UBE4B: variants seen among roughly 807,000 people sequenced by gnomAD.
The protein encoded by UBE4B is ubiquitin conjugation factor E4 B.
In UBE4B, 27 loss-of-function variants were observed where a neutral mutation model predicts 148.1. That is an observed-to-expected ratio of 0.18 (90% confidence interval 0.13 to 0.25). The LOEUF (loss-of-function observed/expected upper bound fraction) is 0.25, where lower values mean the gene tolerates loss of function less well. UBE4B is among the 10% of genes least tolerant of loss of function. The probability of loss-of-function intolerance (pLI) is 1.00; values close to 1 mark genes in which losing one functional copy is unlikely to be tolerated. For missense variants in UBE4B, 1,170 were observed against 1,662.4 expected, an observed-to-expected ratio of 0.70 and a Z score of 5.15; for synonymous variants, 596 against 619.3, an observed-to-expected ratio of 0.96 and a Z score of 0.56.
intron 1 of UBE4B, among the ~76,000 whole-genome samples, chr1:10,068,243 G>A (rs904711797): frequency 8.6e-5 from 13 of 152,038 alleles, no homozygotes; most frequent in East Asian, 5.8e-4. Context: ...TGGCCAGGCC[G>A]GTCTCAAACT....
chr1:10,173,545 G>T (rs1299925339), intron 25 of UBE4B, among the ~76,000 whole-genome samples: 5 of 151,348 alleles, frequency 3.3e-5, no homozygotes, highest in African/African-American at 1.2e-4. Flanking sequence ...ACTAGCCCCC[G>T]ACTATATAAT....
intron 2 of UBE4B, among the ~76,000 whole-genome samples, chr1:10,081,620 C>T (rs1482022771): frequency 6.6e-6 from 1 of 151,472 alleles, no homozygotes; most frequent in Non-Finnish European, 1.5e-5. Context: ...TGGAGTTTCG[C>T]TCTTGTCACC....
intron 1 of UBE4B, among the ~76,000 whole-genome samples, chr1:10,068,778 G>T (rs1016656825): frequency 1.3e-5 from 2 of 152,208 alleles, no homozygotes; most frequent in African/African-American, 4.8e-5. Context: ...CAGGGCCTCA[G>T]GTTGCTAAAC....
At position 10,066,244 on chromosome 1, in the gene UBE4B, G is replaced by A. The variant is rs556337098; in HGVS notation, c.25-5784G>A. ...TTGACCTCCTGCCTCAGTCTCCCTA[G>A]TAGCTGGCACTACACATCGTGTGTG... On this transcript the variant is annotated intron_variant, in intron 1 of 27. Transcript: ENST00000343090. 8.4e-4 allele frequency among the ~76,000 whole-genome samples: 127 copies of A among 151,722 alleles called. 1 individual carries two copies. The highest frequency in any genetic ancestry group is 2.8e-3 in the African/African-American group (115 of 41,326).
At chr1:10,143,114 A>G (rs1278132462) in intron 17 of UBE4B, among the ~76,000 whole-genome samples, 1 of 152,126 alleles carries the variant, frequency 6.6e-6, no homozygotes, top group African/African-American at 2.4e-5. Context: ...TCAAAAAAGC[A>G]AAAAACAAGG....
chr1:10,128,852 G>A (rs1386455411), intron 11 of UBE4B: 2 of 152,554 alleles, frequency 1.3e-5, no homozygotes, highest in African/African-American at 2.4e-5. Flanking sequence ...GTTCTCTAAT[G>A]TTAGGATGGT....
Position 10,126,823 on chromosome 1 carries a change from T to C in UBE4B, c.1584T>C (p.Ala528=). The change falls in exon 11 of 28, where the codon GCT becomes GCC. Residue 528 remains alanine (A), a synonymous_variant. Coordinates refer to ENST00000343090, the MANE Select transcript of UBE4B (RefSeq NM_001105562.3). The stretch of plus-strand genomic sequence containing the variant: ...TTATCCCCATTTTACAAGGCCTGGC[T>C]CTTGCTGCCAAAGAGTGCTCCCTCG... ...QIFIPILQGL[A]LAAKECSLDS... The C allele has an allele frequency of 6.2e-7, 1 of 1,614,146 alleles. No homozygotes were observed. Among genetic ancestry groups the C allele is most frequent in the Non-Finnish European group, 8.5e-7 (1 of 1,180,004 alleles).
Position 10,050,237 on chromosome 1 carries a change from A to G in UBE4B, c.24+16543A>G, listed in dbSNP as rs961002938. Among the ~76,000 whole-genome samples, 2 of 152,138 alleles carry G rather than the reference A, an allele frequency of 1.3e-5. 1 individual carries two copies. The highest frequency in any genetic ancestry group is 4.8e-5 in the African/African-American group (2 of 41,430). ...CAGGCATGCACCACCACACTTGGCTAATTTTCGTATGTTTAGTAGAGACCA... is the reference window on the plus strand; with the variant it reads ...CAGGCATGCACCACCACACTTGGCTGATTTTCGTATGTTTAGTAGAGACCA... On this transcript the variant is annotated intron_variant, in intron 1 of 27. Coordinates refer to ENST00000343090, the MANE Select transcript of UBE4B (RefSeq NM_001105562.3).
At chr1:10,092,857 A>G (rs1644872387) in intron 2 of UBE4B, among the ~76,000 whole-genome samples, 1 of 152,024 alleles carries the variant, frequency 6.6e-6, no homozygotes, top group Non-Finnish European at 1.5e-5. Context: ...AGAAAAGAAA[A>G]GAAGGAATGG....
chr1:10,082,186 A>G (rs1018148776), intron 2 of UBE4B, among the ~76,000 whole-genome samples: 8 of 152,042 alleles, frequency 5.3e-5, no homozygotes, highest in Non-Finnish European at 1.0e-4. Context: ...TGTGGCTTAT[A>G]TTTTAGTGAG....
At chr1:10,091,199 T>C (rs1644841937) in intron 2 of UBE4B, among the ~76,000 whole-genome samples, 1 of 152,194 alleles carries the variant, frequency 6.6e-6, no homozygotes, top group Non-Finnish European at 1.5e-5. Context: ...GTTCATTTTT[T>C]AATTCTTTAA....
At chr1:10,131,198 CG>C (rs1295891416) in intron 14 of UBE4B, among the ~76,000 whole-genome samples, 2 of 152,170 alleles carry the variant, frequency 1.3e-5, no homozygotes, top group African/African-American at 4.8e-5. Flanking sequence ...AGAGAAGGGC[CG>C]GGTGTGATGG....
chr1:10,117,620 C>CT lies in UBE4B; in HGVS notation c.1338+22dup. The CT allele has an allele frequency of 1.3e-6, 2 of 1,546,116 alleles. No homozygotes were observed. The highest frequency in any genetic ancestry group is 1.7e-6 in the Non-Finnish European group (2 of 1,153,128). On this transcript the variant is annotated intron_variant, in intron 8 of 27. Coordinates refer to ENST00000343090, the MANE Select transcript of UBE4B (RefSeq NM_001105562.3). Reference sequence around the variant, plus strand: ...CCAAAGGTAATATGAAATGGATTAACTTAAAAAAAAAAAAGCCTAGTTATT... The same window carrying CT: ...CCAAAGGTAATATGAAATGGATTAACTTTAAAAAAAAAAAAGCCTAGTTATT...
At position 10,161,578 on chromosome 1, in the gene UBE4B, A is replaced by C. The variant is rs1309022414; in HGVS notation, c.3198+292A>C. 2.0e-5 allele frequency among the ~76,000 whole-genome samples: 3 copies of C among 152,194 alleles called. No individual in the cohort carries two copies. Among genetic ancestry groups the C allele is most frequent in the Non-Finnish European group, 2.9e-5 (2 of 68,032 alleles). ...TGAGCTTTTATTGTCTGAATATATT[A>C]ATATTCATGAACATAATTAGGAAAG... On this transcript the variant is annotated intron_variant, in intron 23 of 27. Transcript: ENST00000343090. The surrounding 1 kb of genome is among the most constrained non-coding windows in gnomAD (Gnocchi z 4.1).
intron 3 of UBE4B, among the ~76,000 whole-genome samples, chr1:10,099,352 T>C (rs1190746461): frequency 1.8e-4 from 27 of 152,118 alleles, no homozygotes; most frequent in African/African-American, 2.4e-5. Context: ...CAACAAAAAG[T>C]TAGAAAACGT....
chr1:10,112,970 G>A (rs964668856), intron 7 of UBE4B, among the ~76,000 whole-genome samples: 1 of 152,116 alleles, frequency 6.6e-6, no homozygotes, highest in Non-Finnish European at 1.5e-5. Context: ...CCCATCTGCC[G>A]CCTTGCAAGT....
rs1032934235 is a variant in UBE4B at position 10,161,418 on chromosome 1, A to C, written c.3198+132A>C. On this transcript the variant is annotated intron_variant, in intron 23 of 27. Coordinates refer to ENST00000343090, the MANE Select transcript of UBE4B (RefSeq NM_001105562.3). The surrounding 1 kb of genome is among the most constrained non-coding windows in gnomAD (Gnocchi z 4.1). The stretch of plus-strand genomic sequence containing the variant: ...GACATGCTGGGATTTTCCTTCCATG[A>C]AATCATATTGCAGGATTGGAATAGG... 9.2e-7 allele frequency: 1 copy of C among 1,085,936 alleles called. No homozygotes were observed. Among genetic ancestry groups the C allele is most frequent in the East Asian group, 2.8e-5 (1 of 36,360 alleles). The allele number at this position is 1,085,936 out of a possible 1,614,324, so 67.3% of individuals were successfully genotyped here. A position where few individuals can be genotyped will look rare whatever the true frequency, so the allele number is the denominator to read the frequency against.
chr1:10,036,849 T>C (rs964756145), intron 1 of UBE4B, among the ~76,000 whole-genome samples: 10 of 152,122 alleles, frequency 6.6e-5, no homozygotes, highest in Non-Finnish European at 2.9e-5. Flanking sequence ...GGCAAGGCGG[T>C]GATCTTTTAA....
chr1:10,076,118 G>A lies in UBE4B; in HGVS notation c.211+3904G>A, dbSNP rs367577871. ...GAGTTTAAAAAGCTGGCATGAGGAA[G>A]GTGATGGCTTGTGTTTATTTTCTGT... On this transcript the variant is annotated intron_variant, in intron 2 of 27. Coordinates refer to ENST00000343090, the MANE Select transcript of UBE4B (RefSeq NM_001105562.3). 3.6e-4 allele frequency among the ~76,000 whole-genome samples: 55 copies of A among 152,220 alleles called. 2 individuals are homozygous for A. Among genetic ancestry groups the A allele is most frequent in the East Asian group, 2.9e-3 (15 of 5,186 alleles).
Sources: gnomAD v4.1 joint callset for allele counts (sites outside exome capture counted in the v4.1 genomes callset) on GRCh38, gnomAD v4.1.1 for gene constraint, Gnocchi (gnomAD v3.1) non-coding constraint, MANE v1.5 for transcripts, NCBI Gene and HGNC (gene_info 2026-07-23, HGNC 2026-07-21) for gene names.